The following TVP23A variants were observed in gnomAD, a reference collection of about 807,000 sequenced individuals.
The protein encoded by TVP23A is trans-golgi network vesicle protein 23 homolog A.
A neutral mutation model predicts 31.7 loss-of-function variants in TVP23A; 21 were observed. The observed-to-expected ratio is 0.66, with a 90% CI of 0.47 to 0.95. TVP23A has a LOEUF of 0.95. Among genes scored for constraint, TVP23A ranks in the 40% least tolerant of loss-of-function variants. The probability of loss-of-function intolerance (pLI) is 0.00; values close to 1 mark genes in which losing one functional copy is unlikely to be tolerated. For synonymous variants in TVP23A, 104 were observed against 96.0 expected (o/e 1.08, Z -0.49); for missense variants, 279 against 255.6 (o/e 1.09, Z -0.62).
Position 10,777,233 on chromosome 16 carries a change from C to A in TVP23A, c.90-2137G>T, listed in dbSNP as rs2032093893. 6.6e-6 allele frequency among the ~76,000 whole-genome samples: 1 copy of A among 152,046 alleles called. No individual in the cohort carries two copies. Among genetic ancestry groups the A allele is most frequent in the East Asian group, 1.9e-4 (1 of 5,190 alleles). On this transcript the variant is annotated intron_variant, in intron 2 of 7. Coordinates refer to ENST00000299866, the MANE Select transcript of TVP23A (RefSeq NM_001079512.4). The surrounding 1 kb of genome is among the most constrained non-coding windows in gnomAD (Gnocchi z 4.5). ...CACCAGGCAGCTGTGCAAACCAGAC[C>A]CAGTACTGCCAGAGCCAAGATTTTC...
At position 10,775,044 on chromosome 16, in the gene TVP23A, T is replaced by C. The variant is rs1377949734; in HGVS notation, c.142A>G (p.Thr48Ala). 2 of 1,611,706 alleles carry C rather than the reference T, an allele frequency of 1.2e-6. No homozygotes were observed. Among genetic ancestry groups the C allele is most frequent in the Non-Finnish European group, 8.5e-7 (1 of 1,178,956 alleles). Residue 48 changes from threonine to alanine, a missense_variant, in exon 3 of 8, where the codon ACC (threonine) becomes GCC (alanine). Coordinates refer to ENST00000299866, the MANE Select transcript of TVP23A (RefSeq NM_001079512.4). ...HLFFRVSAIV[T>A]YVSCDWFSKS... is the part of the protein sequence containing the mutation. ...CTGAACCAGTCGCAGCTCACGTAGG[T>C]GACGATGGCACTCACTCGGAAAAAC...
chr16:10,791,307 G>A (rs74970063), intron 2 of TVP23A, among the ~76,000 whole-genome samples: 3,521 of 152,198 alleles, frequency 0.023, 87 homozygotes, highest in African/African-American at 0.063. Context: ...CTTTGGCCCC[G>A]ACACCCACTT....
intron 6 of TVP23A, among the ~76,000 whole-genome samples, chr16:10,770,855 G>A (rs960601242): frequency 6.7e-5 from 7 of 103,834 alleles, no homozygotes; most frequent in Non-Finnish European, 1.2e-4. Flanking sequence ...GGAGCAGAGT[G>A]AGACTCCCAT....
At position 10,769,074 on chromosome 16, in the gene TVP23A, A is replaced by T. The variant is rs746112256; in HGVS notation, c.*28T>A. ...ATCCAAGAGTTTTGTAATCTCCATCAGTCAAAAGAAGAGAACCTCATCAGT... is the reference window on the plus strand; with the variant it reads ...ATCCAAGAGTTTTGTAATCTCCATCTGTCAAAAGAAGAGAACCTCATCAGT... On this transcript the variant is annotated 3_prime_UTR_variant, in exon 8 of 8. Coordinates refer to ENST00000299866, the MANE Select transcript of TVP23A (RefSeq NM_001079512.4). The T allele has an allele frequency of 6.2e-7, 1 of 1,614,102 alleles. No homozygotes were observed. Among genetic ancestry groups the T allele is most frequent in the South Asian group, 1.1e-5 (1 of 91,078 alleles).
At chr16:10,785,583 G>C (rs1028959684) in intron 2 of TVP23A, among the ~76,000 whole-genome samples, 1 of 152,184 alleles carries the variant, frequency 6.6e-6, no homozygotes, top group Non-Finnish European at 1.5e-5. Flanking sequence ...ATTTTAGAAA[G>C]TTATTTTCCC....
At position 10,773,362 on chromosome 16, in the gene TVP23A, C is replaced by T. The variant is rs2031766174; in HGVS notation, c.404G>A (p.Trp135Ter). ...TAAGGTGCTAAAAAAAAACACAATC[C>T]ATATCATGGGGCAGATTATGAGGCC... The part of the protein sequence containing the change: ...WLGLIICPMI[W>*]IVFFFSTLFS... The change falls in exon 5 of 8, where the codon TGG becomes TAG. Residue 135 changes from tryptophan to a stop codon, truncating the protein, a stop_gained. Transcript: ENST00000299866. LOFTEE classifies it high-confidence loss of function. 6.2e-7 allele frequency: 1 copy of T among 1,611,824 alleles called. No individual in the cohort carries two copies. Among genetic ancestry groups the T allele is most frequent in the South Asian group, 1.1e-5 (1 of 90,284 alleles).
chr16:10,799,388 T>C (rs901327173), intron 2 of TVP23A, among the ~76,000 whole-genome samples: 2 of 152,104 alleles, frequency 1.3e-5, no homozygotes, highest in African/African-American at 2.4e-5. Flanking sequence ...GGCTGGAGTA[T>C]AGTGGTGGGA....
At chr16:10,761,172 G>A (rs564005899), downstream of TVP23A, 1 of 512,654 alleles carries the variant, frequency 2.0e-6, no homozygotes, top group Non-Finnish European at 3.5e-6. Context: ...TTCCTGTAGG[G>A]ATGTAGGGAT....
At position 10,766,797 on chromosome 16, in the gene TVP23A, T is replaced by G. The variant is rs2030948835; in HGVS notation, c.*2305A>C. On this transcript the variant is annotated 3_prime_UTR_variant, in exon 8 of 8. Transcript: ENST00000299866. The surrounding 1 kb of genome is among the most constrained non-coding windows in gnomAD (Gnocchi z 4.8). ...AGAGTTTTTGTGTTTAAATACCCTC[T>G]ACTTGAGGTACGCCCTATATAAACG... 1 of 397,486 alleles carries G rather than the reference T, an allele frequency of 2.5e-6. No individual in the cohort carries two copies. Among genetic ancestry groups the G allele is most frequent in the Non-Finnish European group, 4.4e-6 (1 of 225,850 alleles). 24.6% of individuals were successfully genotyped at this position (397,486 alleles called of 1,614,324 possible).
chr16:10,792,390 G>T (rs528390740), intron 2 of TVP23A, among the ~76,000 whole-genome samples: 1 of 152,298 alleles, frequency 6.6e-6, no homozygotes, highest in South Asian at 2.1e-4. Context: ...TGCCCAGGAA[G>T]AAGTACATTC....
At chr16:10,808,678 G>A (rs959482489) in intron 2 of TVP23A, 3 of 373,842 alleles carry the variant, frequency 8.0e-6, no homozygotes, top group Admixed American at 6.3e-5. Flanking sequence ...TGAGGAGGCT[G>A]AGAAGGGAGG....
At chr16:10,771,601 G>A (rs1328433012) in intron 6 of TVP23A, 69 bp downstream of exon 6, 16 of 1,591,580 alleles carry the variant, frequency 1.0e-5, no homozygotes, top group East Asian at 2.3e-5. Flanking sequence ...AACCGCAGTT[G>A]CCAGCAGGCC....
intron 2 of TVP23A, among the ~76,000 whole-genome samples, chr16:10,816,319 A>C (rs1349706888): frequency 7.1e-6 from 1 of 140,256 alleles, no homozygotes; most frequent in Non-Finnish European, 1.5e-5. Context: ...TGCAGATGTA[A>C]TTTAATTATT....
At chr16:10,784,195 G>T (rs2032596117) in intron 2 of TVP23A, among the ~76,000 whole-genome samples, 1 of 151,722 alleles carries the variant, frequency 6.6e-6, no homozygotes, top group Admixed American at 6.6e-5. Flanking sequence ...TTAGCCAGGT[G>T]GTGCACACCT....
At chr16:10,776,396 A>G (rs2032023749) in intron 2 of TVP23A, among the ~76,000 whole-genome samples, 1 of 152,198 alleles carries the variant, frequency 6.6e-6, no homozygotes, top group Admixed American at 6.5e-5. Flanking sequence ...AAATAAAAAA[A>G]TAAAAACAAG....
At chr16:10,761,398 A>T (rs765734724) in exon 9 of TVP23A, 2 of 1,614,122 alleles carry the variant, frequency 1.2e-6, no homozygotes, top group Non-Finnish European at 1.7e-6. Context: ...AAAGAAATCA[A>T]CTTCTGCCGC....
chr16:10,767,979 T>G lies in TVP23A; in HGVS notation c.*1123A>C, dbSNP rs1301753606. 6.2e-7 allele frequency: 1 copy of G among 1,614,196 alleles called. No homozygotes were observed. The highest frequency in any genetic ancestry group is 1.7e-5 in the Admixed American group (1 of 60,024). On this transcript the variant is annotated 3_prime_UTR_variant, in exon 8 of 8. Transcript: ENST00000299866. The surrounding 1 kb of genome is among the most constrained non-coding windows in gnomAD (Gnocchi z 4.6). Reference sequence around the variant, plus strand: ...AATTGTGACAAAGGCCAGTCTTTTTTCATTGACGCCCCAGATTCCCCAGCC... The same window carrying G: ...AATTGTGACAAAGGCCAGTCTTTTTGCATTGACGCCCCAGATTCCCCAGCC...
rs1051186457 is a variant in TVP23A, at chr16:10,777,464, G to A, written c.90-2368C>T. ...CACAGAGATCCACACAGAACTGCAG[G>A]GGAAAGCGCCTGCTCATTCTCCCCA... On this transcript the variant is annotated intron_variant, in intron 2 of 7. Coordinates refer to ENST00000299866, the MANE Select transcript of TVP23A (RefSeq NM_001079512.4). This position sits in a 1 kb window ranked among gnomAD's most constrained non-coding sequence, Gnocchi z 4.5. Among the ~76,000 whole-genome samples, 12 of 152,124 alleles carry A rather than the reference G, an allele frequency of 7.9e-5. No homozygotes were observed.
downstream of TVP23A, among the ~76,000 whole-genome samples, chr16:10,759,199 G>T (rs1180132873): frequency 1.3e-5 from 2 of 152,206 alleles, no homozygotes; most frequent in Non-Finnish European, 2.9e-5. The surrounding 1 kb of genome is among the most constrained non-coding windows in gnomAD (Gnocchi z 4.7). Context: ...GCTCTCCCTG[G>T]TGGCCCCTGT....
Sources: allele counts gnomAD v4.1 joint callset (sites outside exome capture counted in the v4.1 genomes callset), GRCh38; gene constraint gnomAD v4.1.1; non-coding constraint Gnocchi (gnomAD v3.1); transcripts MANE v1.5; gene names NCBI Gene and HGNC (gene_info 2026-07-23, HGNC 2026-07-21).